SCAND3: variants seen among roughly 807,000 people sequenced by gnomAD.
SCAND3 encodes the protein SCAN domain-containing protein 3.
the SCAND3 span, among the ~76,000 whole-genome samples, chr6:28,581,771 C>T: frequency 6.6e-6 from 1 of 152,188 alleles, no homozygotes; most frequent in Non-Finnish European, 1.5e-5. Context: ...TTCTCCCTGG[C>T]CAGAATTCTG....
At chr6:28,614,121 G>A in the SCAND3 span, among the ~76,000 whole-genome samples, 3 of 151,258 alleles carry the variant, frequency 2.0e-5, no homozygotes, top group Non-Finnish European at 3.0e-5. Context: ...GTACCACCAC[G>A]CCCAGCTGAT....
chr6:28,597,845 A>G, the SCAND3 span: 26 of 152,292 alleles, frequency 1.7e-4, no homozygotes, highest in African/African-American at 6.0e-4. Flanking sequence ...CAAACAAACT[A>G]CAACGAACAA....
the SCAND3 span, chr6:28,586,666 C>T: frequency 6.2e-7 from 1 of 1,614,020 alleles, no homozygotes; most frequent in Non-Finnish European, 8.5e-7. This position sits in a 1 kb window ranked among gnomAD's most constrained non-coding sequence, Gnocchi z 4.4. Flanking sequence ...TCCCCTTGTT[C>T]TTCTGGAGCC....
the SCAND3 span, among the ~76,000 whole-genome samples, chr6:28,598,948 T>G: frequency 6.7e-6 from 1 of 148,254 alleles, no homozygotes; most frequent in East Asian, 2.0e-4. Context: ...GGTTACTACA[T>G]AAAAGTCAAT....
At chr6:28,609,122 T>C in the SCAND3 span, among the ~76,000 whole-genome samples, 1 of 152,232 alleles carries the variant, frequency 6.6e-6, no homozygotes, top group Non-Finnish European at 1.5e-5. Context: ...ATTCATTATC[T>C]TCACTACTAC....
the SCAND3 span, chr6:28,590,256 C>T: frequency 3.3e-5 from 5 of 152,372 alleles, no homozygotes; most frequent in Non-Finnish European, 7.3e-5. Context: ...GCCTCTTCAG[C>T]TCCTAGTACC....
At chr6:28,607,406 G>C in the SCAND3 span, among the ~76,000 whole-genome samples, 1 of 151,990 alleles carries the variant, frequency 6.6e-6, no homozygotes. Context: ...TGAACCCTTT[G>C]TAAAAGCATT....
chr6:28,587,073 C>T, the SCAND3 span: 8 of 225,174 alleles, frequency 3.6e-5, no homozygotes, highest in African/African-American at 1.6e-4. Context: ...GGTGTATGAG[C>T]CTAGGCAAGG....
At chr6:28,578,690 A>G in the SCAND3 span, among the ~76,000 whole-genome samples, 1 of 152,212 alleles carries the variant, frequency 6.6e-6, no homozygotes, top group African/African-American at 2.4e-5. Flanking sequence ...AGAAGTTTGT[A>G]GAATCAATAT....
chr6:28,586,274 A>C, the SCAND3 span: 1 of 1,563,078 alleles, frequency 6.4e-7, no homozygotes, highest in Admixed American at 1.8e-5. The surrounding 1 kb of genome is among the most constrained non-coding windows in gnomAD (Gnocchi z 4.4). Context: ...TTCTCCACAG[A>C]AGATGGCACC....
chr6:28,576,786 A>G, the SCAND3 span, among the ~76,000 whole-genome samples: 1 of 114,310 alleles, frequency 8.7e-6, no homozygotes, highest in African/African-American at 3.3e-5. Context: ...TTTTTTTTGT[A>G]TTTTTAGTAG....
At chr6:28,603,444 C>T in the SCAND3 span, among the ~76,000 whole-genome samples, 2 of 152,104 alleles carry the variant, frequency 1.3e-5, no homozygotes, top group Non-Finnish European at 2.9e-5. Flanking sequence ...GAAATCTATA[C>T]ATTCTCTCTG....
At chr6:28,608,869 T>C in the SCAND3 span, among the ~76,000 whole-genome samples, 5 of 152,018 alleles carry the variant, frequency 3.3e-5, no homozygotes, top group African/African-American at 1.2e-4. Context: ...CATGCCTGTA[T>C]TCCCAGCTAG....
At chr6:28,572,878 T>G in the SCAND3 span, 6 of 1,614,024 alleles carry the variant, frequency 3.7e-6, no homozygotes, top group Non-Finnish European at 5.1e-6. This position sits in a 1 kb window ranked among gnomAD's most constrained non-coding sequence, Gnocchi z 4.1. Flanking sequence ...GGCAAGACTT[T>G]CTCGATGAAT....
the SCAND3 span, among the ~76,000 whole-genome samples, chr6:28,603,524 T>C: frequency 6.6e-6 from 1 of 152,308 alleles, no homozygotes; most frequent in South Asian, 2.1e-4. Context: ...TTATAGTTGT[T>C]TCTCTTTAAC....
the SCAND3 span, among the ~76,000 whole-genome samples, chr6:28,577,992 C>T: frequency 7.6e-4 from 115 of 152,236 alleles, no homozygotes; most frequent in African/African-American, 2.7e-3. Context: ...TACTTGCAAA[C>T]CATTGGGGAA....
the SCAND3 span, among the ~76,000 whole-genome samples, chr6:28,614,605 C>A: frequency 1.3e-5 from 2 of 152,074 alleles, no homozygotes; most frequent in African/African-American, 4.8e-5. Context: ...GCTGGGATTA[C>A]AGGCATGCAT....
the SCAND3 span, chr6:28,574,571 A>G: frequency 7.4e-7 from 1 of 1,346,832 alleles, no homozygotes; most frequent in South Asian, 1.4e-5. Context: ...ACCTTGTCAC[A>G]CAACACTTAT....
At chr6:28,574,809 T>A in the SCAND3 span, 1 of 1,614,146 alleles carries the variant, frequency 6.2e-7, no homozygotes, top group Admixed American at 1.7e-5. Flanking sequence ...CAGTCCCATG[T>A]TGAGAGGGCA....
Sources: allele counts gnomAD v4.1 joint callset (sites outside exome capture counted in the v4.1 genomes callset), GRCh38; gene constraint gnomAD v4.1.1; non-coding constraint Gnocchi (gnomAD v3.1); transcripts MANE v1.5; gene names NCBI Gene and HGNC (gene_info 2026-07-23, HGNC 2026-07-21).